The following MACF1 variants were observed in gnomAD, a reference collection of about 807,000 sequenced individuals.
MACF1 encodes microtubule-actin cross-linking factor 1.
MACF1 carries 193 observed loss-of-function variants against 854.8 expected under a neutral mutation model. The observed-to-expected ratio is 0.23, with a 90% CI of 0.20 to 0.25. The LOEUF (loss-of-function observed/expected upper bound fraction) is 0.25, where lower values mean the gene tolerates loss of function less well. Ranked by LOEUF, MACF1 falls within the 10% of genes least tolerant of loss-of-function variation. The pLI, the probability that MACF1 is intolerant of heterozygous loss-of-function variation, is 1.00. For synonymous variants in MACF1, 3,185 were observed against 3,226.7 expected, an observed-to-expected ratio of 0.99 and a Z score of 0.44; for missense variants, 7,722 against 8,929.1, an observed-to-expected ratio of 0.86 and a Z score of 5.45.
At chr1:39,356,998 T>A (rs904541272) in intron 44 of MACF1, among the ~76,000 whole-genome samples, 1 of 152,214 alleles carries the variant, frequency 6.6e-6, no homozygotes, top group African/African-American at 2.4e-5. Flanking sequence ...GCATACTGTT[T>A]AGAGAGTGAC....
chr1:39,160,128 A>C lies in MACF1; in HGVS notation c.221-71054A>C, dbSNP rs534478984. Among the ~76,000 whole-genome samples, 75 of 152,276 alleles carry C rather than the reference A, an allele frequency of 4.9e-4. No homozygotes were observed. The South Asian group carries it at 0.015, about 30-fold the overall frequency. On this transcript the variant is annotated intron_variant, in intron 2 of 93. Coordinates refer to the MACF1 transcript ENST00000361689. The stretch of plus-strand genomic sequence containing the variant: ...CCAGGAGTTCTAGACCAGCCTGGGC[A>C]ACATAATGAGACCCCCATCTCTACA...
intron 71 of MACF1, among the ~76,000 whole-genome samples, chr1:39,438,449 G>C (rs760992700): frequency 6.6e-6 from 1 of 152,236 alleles, no homozygotes; most frequent in African/African-American, 2.4e-5. Flanking sequence ...TGTGATCCCT[G>C]TATGTGGGAT....
intron 2 of MACF1, among the ~76,000 whole-genome samples, chr1:39,192,083 G>A (rs1301419759): frequency 6.6e-6 from 1 of 152,062 alleles, no homozygotes; most frequent in Non-Finnish European, 1.5e-5. Flanking sequence ...CCTGGGAAGT[G>A]GAGATTGCAG....
At chr1:39,476,542 G>C (rs1392332379) in intron 97 of MACF1, among the ~76,000 whole-genome samples, 1 of 151,474 alleles carries the variant, frequency 6.6e-6, no homozygotes, top group African/African-American at 2.4e-5. Flanking sequence ...CTGCACTCCA[G>C]CCTGGGCAAC....
chr1:39,257,858 C>G (rs1459665580), intron 5 of MACF1, 78 bp from the exon 6 acceptor site: 1 of 1,029,262 alleles, frequency 9.7e-7, no homozygotes, highest in African/African-American at 1.6e-5. Context: ...AACTGTAAAT[C>G]AATAATGAAG....
At chr1:39,275,359 G>T (rs1645413790) in intron 6 of MACF1, among the ~76,000 whole-genome samples, 1 of 152,022 alleles carries the variant, frequency 6.6e-6, no homozygotes, top group African/African-American at 2.4e-5. Context: ...TGGAATTACG[G>T]TGTGAGCCAC....
At chr1:39,172,171 A>C (rs986198143) in intron 2 of MACF1, among the ~76,000 whole-genome samples, 3 of 152,200 alleles carry the variant, frequency 2.0e-5, no homozygotes, top group Non-Finnish European at 2.9e-5. Flanking sequence ...CAGTCAAGTA[A>C]TGAATTTTAT....
chr1:39,373,794 AGT>A (rs1244283405), intron 52 of MACF1, among the ~76,000 whole-genome samples: 6 of 151,184 alleles, frequency 4.0e-5, no homozygotes, highest in Admixed American at 4.0e-4. Flanking sequence ...CAGAGGTTGC[AGT>A]GAGCCAAGAT....
intron 26 of MACF1, among the ~76,000 whole-genome samples, chr1:39,312,318 T>C (rs754130759): frequency 3.3e-5 from 5 of 152,230 alleles, no homozygotes; most frequent in African/African-American, 4.8e-5. Context: ...TATTCTCTTA[T>C]ACCTTTCACC....
rs556830074 is a variant in MACF1, at chr1:39,199,380, G to A, written c.221-31802G>A. 5.9e-5 allele frequency among the ~76,000 whole-genome samples: 9 copies of A among 151,744 alleles called. No individual in the cohort carries two copies. The South Asian group carries it at 1.7e-3, about 28-fold the overall frequency. On this transcript the variant is annotated intron_variant, in intron 2 of 93. Transcript: ENST00000361689. ...ACATGGGCCAGACACAGTGGCTCAC[G>A]CCTGTAATCCCAACATTTTGGGAGG... is the stretch of plus-strand genomic sequence containing the variant.
chr1:39,241,639 G>A (rs1401708724), intron 2 of MACF1, among the ~76,000 whole-genome samples: 1 of 122,038 alleles, frequency 8.2e-6, no homozygotes, highest in African/African-American at 3.2e-5. Flanking sequence ...CGGCCTGGGT[G>A]ACAGAGCGAG....
At chr1:39,344,498 C>T (rs564391117) in intron 40 of MACF1, among the ~76,000 whole-genome samples, 27 of 151,850 alleles carry the variant, frequency 1.8e-4, no homozygotes, top group South Asian at 6.2e-4. Flanking sequence ...GAGGGCCAAA[C>T]GGGCAACTTG....
intron 2 of MACF1, among the ~76,000 whole-genome samples, chr1:39,094,354 C>G (rs965839389): frequency 3.3e-5 from 5 of 151,468 alleles, no homozygotes; most frequent in Non-Finnish European, 7.4e-5. Context: ...GTGAACTGAG[C>G]TCACGCCATT....
chr1:39,284,779 G>A (rs1645612806), intron 11 of MACF1, among the ~76,000 whole-genome samples: 2 of 152,314 alleles, frequency 1.3e-5, no homozygotes, highest in South Asian at 4.1e-4. Context: ...ATTTGAAGTT[G>A]TAGAAATGAG....
chr1:39,446,999 T>C (rs1269431728), intron 80 of MACF1, among the ~76,000 whole-genome samples: 1 of 152,220 alleles, frequency 6.6e-6, no homozygotes, highest in Non-Finnish European at 1.5e-5. Flanking sequence ...ACATTGAACA[T>C]CATCTTCATA....
At chr1:39,447,665 T>TA in intron 81 of MACF1, 27 bp from the exon 82 acceptor site, 1 of 1,613,772 alleles carries the variant, frequency 6.2e-7, no homozygotes, top group Non-Finnish European at 8.5e-7. Flanking sequence ...TATCTTAAGC[T>TA]AAAAAAGAGC....
intron 58 of MACF1, chr1:39,414,627 T>C (rs1289146435): frequency 8.1e-7 from 1 of 1,231,978 alleles, no homozygotes; most frequent in Admixed American, 2.6e-5. Context: ...TGTTCAGTTT[T>C]TGGGGAAAAT....
chr1:39,100,601 C>A (rs766579908), intron 2 of MACF1, among the ~76,000 whole-genome samples: 70 of 152,182 alleles, frequency 4.6e-4, no homozygotes, highest in Non-Finnish European at 8.8e-4. Context: ...TGCCTGTAAT[C>A]CCAGAACTTT....
chr1:39,484,770 T>A, intron 100 of MACF1, 40 bp downstream of exon 100: 7 of 1,613,814 alleles, frequency 4.3e-6, no homozygotes, highest in Non-Finnish European at 5.9e-6. Flanking sequence ...AGGCTGAGAA[T>A]TTGGAAACAA....
Sources: gnomAD v4.1 joint callset for allele counts (sites outside exome capture counted in the v4.1 genomes callset) on GRCh38, gnomAD v4.1.1 for gene constraint, MANE v1.5 for transcripts, NCBI Gene and HGNC (gene_info 2026-07-23, HGNC 2026-07-21) for gene names.